Variants in GABRG2 observed in about 807,000 individuals in gnomAD.
GABRG2 encodes the protein gamma-aminobutyric acid type A receptor subunit gamma2.
A neutral mutation model predicts 56.4 loss-of-function variants in GABRG2; 16 were observed. The observed-to-expected ratio is 0.28, with a 90% CI of 0.19 to 0.43. The LOEUF (loss-of-function observed/expected upper bound fraction) is 0.43, where lower values mean the gene tolerates loss of function less well. GABRG2 is among the 20% of genes least tolerant of loss of function. GABRG2 has a pLI of 1.00. For missense variants in GABRG2, 327 were observed against 582.7 expected, an observed-to-expected ratio of 0.56 and a Z score of 4.52; for synonymous variants, 208 against 205.5, an observed-to-expected ratio of 1.01 and a Z score of -0.10.
intron 1 of GABRG2, among the ~76,000 whole-genome samples, chr5:162,093,252 T>G (rs1018507918): frequency 6.6e-6 from 1 of 152,110 alleles, no homozygotes; most frequent in African/African-American, 2.4e-5. Context: ...GATCCACCTT[T>G]GCCTTCAGTG....
chr5:162,085,569 T>G (rs1444999157), intron 1 of GABRG2, among the ~76,000 whole-genome samples: 1 of 149,754 alleles, frequency 6.7e-6, no homozygotes, highest in African/African-American at 2.5e-5. Context: ...TTTTTTTTTT[T>G]ACTTTTTTTT....
At chr5:162,119,636 C>T (rs1015016288) in intron 6 of GABRG2, among the ~76,000 whole-genome samples, 1 of 152,046 alleles carries the variant, frequency 6.6e-6, no homozygotes, top group African/African-American at 2.4e-5. Flanking sequence ...TGTAACTGAA[C>T]TTTAGATAAT....
chr5:162,076,366 G>A lies in GABRG2; in HGVS notation c.107+8260G>A, dbSNP rs557800087. On this transcript the variant is annotated intron_variant, in intron 1 of 9. Coordinates refer to ENST00000639213, the MANE Select transcript of GABRG2 (RefSeq NM_198904.4). ...CTGCTAAACTCTGAACTTTGTGGGA[G>A]TGTAGAAGAGGGATTTTTTTAAATA... Among the ~76,000 whole-genome samples, 7 of 152,252 alleles carry A rather than the reference G, an allele frequency of 4.6e-5. No homozygotes were observed. The East Asian group carries it at 1.2e-3, about 25-fold the overall frequency.
chr5:162,093,799 T>C, intron 1 of GABRG2, 29 bp from the exon 2 acceptor site: 2 of 1,605,718 alleles, frequency 1.2e-6, no homozygotes, highest in Middle Eastern at 1.7e-4. Flanking sequence ...GTAATCTATG[T>C]GTTTTTTGAC....
intron 6 of GABRG2, among the ~76,000 whole-genome samples, chr5:162,107,218 C>A (rs1301784096): frequency 6.6e-6 from 1 of 151,978 alleles, no homozygotes; most frequent in Non-Finnish European, 1.5e-5. Flanking sequence ...TTCCTTGATA[C>A]ATGGTTTTTT....
chr5:162,138,558 G>A (rs1764312367), intron 6 of GABRG2, among the ~76,000 whole-genome samples: 1 of 152,130 alleles, frequency 6.6e-6, no homozygotes, highest in Admixed American at 6.5e-5. Flanking sequence ...TCTATGCATA[G>A]CAGTGATTCA....
intron 5 of GABRG2, chr5:162,101,715 C>T: frequency 5.3e-6 from 1 of 187,588 alleles, no homozygotes; most frequent in South Asian, 1.1e-4. Context: ...CTAGTTAAGG[C>T]CTGCCCCACA....
intron 6 of GABRG2, among the ~76,000 whole-genome samples, chr5:162,110,975 G>A (rs929036489): frequency 1.3e-5 from 2 of 152,052 alleles, no homozygotes; most frequent in African/African-American, 2.4e-5. Context: ...CCCTCCTTGG[G>A]ATGAAAGTTC....
At chr5:162,136,527 A>C (rs894008391) in intron 6 of GABRG2, among the ~76,000 whole-genome samples, 8 of 152,088 alleles carry the variant, frequency 5.3e-5, no homozygotes, top group Non-Finnish European at 1.0e-4. Context: ...GGAATGAAGA[A>C]AAGGGGTAAA....
At chr5:162,096,603 A>G (rs1362369007) in intron 3 of GABRG2, among the ~76,000 whole-genome samples, 1 of 149,610 alleles carries the variant, frequency 6.7e-6, no homozygotes, top group Non-Finnish European at 1.5e-5. Context: ...AATGATGAAC[A>G]AGGGTGGAAT....
At chr5:162,090,567 T>C (rs1760494014) in intron 1 of GABRG2, among the ~76,000 whole-genome samples, 1 of 152,118 alleles carries the variant, frequency 6.6e-6, no homozygotes. Flanking sequence ...TTTCTAACCA[T>C]GAATATTTAC....
rs149946935 is a variant in GABRG2 at position 162,080,355 on chromosome 5, A to G, written c.107+12249A>G. Among the ~76,000 whole-genome samples, 355 of 152,264 alleles carry G rather than the reference A, an allele frequency of 2.3e-3. 2 individuals carry two copies. Among genetic ancestry groups the G allele is most frequent in the East Asian group, 0.011 (59 of 5,172 alleles). ...GAATAATGGATAAGAAGTTGAGACT[A>G]TGAGAGAAGGAAAGGAGCCCAGCAT... On this transcript the variant is annotated intron_variant, in intron 1 of 9. Transcript: ENST00000639213.
intron 2 of GABRG2, chr5:162,094,566 C>T (rs1338994646): frequency 6.4e-6 from 1 of 156,540 alleles, no homozygotes; most frequent in East Asian, 1.9e-4. Context: ...GCTCATGAGG[C>T]TGAATGCTTA....
intron 6 of GABRG2, among the ~76,000 whole-genome samples, chr5:162,110,242 T>G (rs1762159144): frequency 6.6e-6 from 1 of 152,154 alleles, no homozygotes; most frequent in African/African-American, 2.4e-5. Context: ...TGGATGAAGT[T>G]CATGCTTGTT....
chr5:162,118,667 C>A (rs918396424), intron 6 of GABRG2, among the ~76,000 whole-genome samples: 1 of 152,072 alleles, frequency 6.6e-6, no homozygotes, highest in African/African-American at 2.4e-5. Flanking sequence ...TGAATCATTT[C>A]TCCCAACTCC....
chr5:162,078,979 AATTT>A (rs1759426840), intron 1 of GABRG2, among the ~76,000 whole-genome samples: 1 of 150,104 alleles, frequency 6.7e-6, no homozygotes, highest in Non-Finnish European at 1.5e-5. Context: ...TTAATAATTA[AATTT>A]ATTTAATTTG....
chr5:162,149,338 C>G, intron 8 of GABRG2, 25 bp downstream of exon 8: 2 of 1,608,326 alleles, frequency 1.2e-6, no homozygotes, highest in Non-Finnish European at 1.7e-6. Context: ...CCATTGGCAC[C>G]ATTGAAATTT....
chr5:162,080,064 A>G (rs548096283), intron 1 of GABRG2, among the ~76,000 whole-genome samples: 1 of 152,296 alleles, frequency 6.6e-6, no homozygotes, highest in South Asian at 2.1e-4. Context: ...TTAAATGTAG[A>G]ATGAATATAA....
At position 162,095,505 on chromosome 5, in the gene GABRG2, G is replaced by A. The variant is rs758084555; in HGVS notation, c.270G>A (p.Thr90=). 1.7e-5 allele frequency: 27 copies of A among 1,605,482 alleles called. No homozygotes were observed. The highest frequency in any genetic ancestry group is 1.3e-4 in the East Asian group (6 of 44,618). ...TGTTTCTCTTTACAGTGAAGCCAACGTTAATTCACACAGACATGTATGTGA... is the reference window on the plus strand; with the variant it reads ...TGTTTCTCTTTACAGTGAAGCCAACATTAATTCACACAGACATGTATGTGA... ...KLRPDIGVKP[T]LIHTDMYVNS... is the part of the protein sequence containing the mutation. The change falls in exon 3 of 10, where the codon ACG becomes ACA. Residue 90 remains threonine, a synonymous_variant. Coordinates refer to ENST00000639213, the MANE Select transcript of GABRG2 (RefSeq NM_198904.4).
Sources: gnomAD v4.1 joint callset for allele counts (sites outside exome capture counted in the v4.1 genomes callset) on GRCh38, gnomAD v4.1.1 for gene constraint, MANE v1.5 for transcripts, NCBI Gene and HGNC (gene_info 2026-07-23, HGNC 2026-07-21) for gene names.